Variants in PYGB observed in about 807,000 individuals in gnomAD.
The protein encoded by PYGB is glycogen phosphorylase B.
PYGB carries 82 observed loss-of-function variants against 94.3 expected under a neutral mutation model. That is an observed-to-expected ratio of 0.87 (90% confidence interval 0.73 to 1.04). PYGB has a LOEUF of 1.04. Among genes scored for constraint, PYGB ranks in the 50% least tolerant of loss-of-function variants. PYGB has a pLI of 0.00. For synonymous variants in PYGB, 488 were observed against 479.1 expected (o/e 1.02, Z -0.24); for missense variants, 1,132 against 1,158.2 (o/e 0.98, Z 0.33).
At chr20:25,257,588 G>A (rs1332115528) in intron 1 of PYGB, among the ~76,000 whole-genome samples, 1 of 152,138 alleles carries the variant, frequency 6.6e-6, no homozygotes, top group Non-Finnish European at 1.5e-5. Flanking sequence ...CAGCTGCTTG[G>A]GAGGCTGAGA....
Position 25,278,606 on chromosome 20 carries a change from TCCCACCTGGG to T in PYGB, c.999+148_999+157del. The T allele has an allele frequency of 3.3e-6, 4 of 1,223,482 alleles. No homozygotes were observed. In the South Asian group the frequency reaches 4.8e-5, roughly 15 times the overall value. The allele number at this position is 1,223,482 out of a possible 1,614,324, so 75.8% of individuals were successfully genotyped here. On this transcript the variant is annotated intron_variant, in intron 8 of 19. Transcript: ENST00000216962. ...GGGGTCTCGTCATTCTGGGCCAGGA[TCCCACCTGGG>T]CCCTCCCTTCCAGAACAAGGGCCAC...
chr20:25,286,849 C>T (rs1361239197), intron 14 of PYGB, among the ~76,000 whole-genome samples: 2 of 152,242 alleles, frequency 1.3e-5, no homozygotes, highest in South Asian at 2.1e-4. Context: ...CTGTCCCCTG[C>T]CCACTGTGAC....
At chr20:25,250,730 C>T (rs986390870) in intron 1 of PYGB, among the ~76,000 whole-genome samples, 1 of 152,138 alleles carries the variant, frequency 6.6e-6, no homozygotes, top group Non-Finnish European at 1.5e-5. Context: ...TTCACCGGCA[C>T]ACTGCAGACT....
chr20:25,280,512 G>C, intron 10 of PYGB, 100 bp downstream of exon 10: 2 of 1,453,928 alleles, frequency 1.4e-6, no homozygotes, highest in Non-Finnish European at 9.4e-7. Context: ...CCTTGAACGA[G>C]GCACCCTCTG....
rs1052151410 is a variant in PYGB at position 25,295,596 on chromosome 20, C to T, written c.2313-8C>T. On this transcript the variant is annotated splice_polypyrimidine_tract_variant and splice_region_variant and intron_variant, in intron 18 of 19. Coordinates refer to ENST00000216962, the MANE Select transcript of PYGB (RefSeq NM_002862.4). ...TGCCCTGGCCCAGCCTCCTTTCTCCCATTCCAGGTTCAAGGTGTTTGCAGA... is the reference window on the plus strand; with the variant it reads ...TGCCCTGGCCCAGCCTCCTTTCTCCTATTCCAGGTTCAAGGTGTTTGCAGA... 6.2e-7 allele frequency: 1 copy of T among 1,613,384 alleles called. No individual in the cohort carries two copies. The highest frequency in any genetic ancestry group is 8.5e-7 in the Non-Finnish European group (1 of 1,179,488).
chr20:25,266,030 A>G (rs2088215336), intron 2 of PYGB, among the ~76,000 whole-genome samples: 2 of 151,826 alleles, frequency 1.3e-5, no homozygotes, highest in African/African-American at 2.4e-5. Context: ...ATTACTCTAT[A>G]TATAAAGATG....
chr20:25,248,496 C>T, intron 1 of PYGB, 75 bp downstream of exon 1: 1 of 1,271,510 alleles, frequency 7.9e-7, no homozygotes, highest in Non-Finnish European at 9.9e-7. Flanking sequence ...CAGCGGGGGT[C>T]TCTGCGGGGC....
chr20:25,280,241 A>G (rs761559750), intron 9 of PYGB, 25 bp from the exon 10 acceptor site: 3 of 1,611,580 alleles, frequency 1.9e-6, no homozygotes, highest in Non-Finnish European at 1.7e-6. Context: ...AAACAAACAC[A>G]TGGGAACATT....
intron 1 of PYGB, among the ~76,000 whole-genome samples, chr20:25,256,034 C>T (rs1045002490): frequency 6.6e-5 from 10 of 152,304 alleles, no homozygotes; most frequent in Admixed American, 3.3e-4. Flanking sequence ...CACCTGGCTC[C>T]AGCTCTTTCT....
intron 2 of PYGB, among the ~76,000 whole-genome samples, chr20:25,265,944 T>C (rs1322059032): frequency 6.6e-6 from 1 of 152,182 alleles, no homozygotes; most frequent in African/African-American, 2.4e-5. Flanking sequence ...TAGATATTAA[T>C]AGCGTATCAG....
chr20:25,289,942 G>C, intron 15 of PYGB: 1 of 533,534 alleles, frequency 1.9e-6, no homozygotes, highest in Non-Finnish European at 3.8e-6. Context: ...TACTTCATGG[G>C]TCCCCTGCCC....
chr20:25,250,939 G>A (rs1031558598), intron 1 of PYGB: 1 of 152,126 alleles, frequency 6.6e-6, no homozygotes, highest in Non-Finnish European at 1.5e-5. Context: ...AATATTTTGT[G>A]TTCTACATTG....
intron 17 of PYGB, 54 bp from the exon 18 acceptor site, chr20:25,294,104 C>T: frequency 1.0e-5 from 16 of 1,596,174 alleles, no homozygotes; most frequent in Non-Finnish European, 1.3e-5. Context: ...GCTTGTTCTC[C>T]AAGGTGGCCC....
rs2092919103 is a variant in PYGB at position 25,264,024 on chromosome 20, T to C, written c.345+4686T>C. ...TCCCTGATGAACATTGATGCAAAAA[T>C]CATAGTAAAATACTGGCAAACCAAA... is the stretch of plus-strand genomic sequence containing the variant. On this transcript the variant is annotated intron_variant, in intron 2 of 19. Transcript: ENST00000216962. Among the ~76,000 whole-genome samples, 2 of 149,678 alleles carry C rather than the reference T, an allele frequency of 1.3e-5. 1 individual carries two copies. Among genetic ancestry groups the C allele is most frequent in the South Asian group, 4.1e-4 (2 of 4,822 alleles).
intron 19 of PYGB, 32 bp downstream of exon 19, chr20:25,295,702 C>CA: frequency 6.3e-7 from 1 of 1,584,920 alleles, no homozygotes; most frequent in Non-Finnish European, 8.7e-7. Context: ...GCTAGGGGAG[C>CA]AGCTGGGTGG....
intron 1 of PYGB, among the ~76,000 whole-genome samples, chr20:25,255,151 A>G (rs969579772): frequency 6.6e-6 from 1 of 152,224 alleles, no homozygotes; most frequent in Non-Finnish European, 1.5e-5. Context: ...ACATCCTTAC[A>G]GCAGATACAG....
At chr20:25,278,294 C>A (rs528142246) in intron 7 of PYGB, 25 bp from the exon 8 acceptor site, 2 of 1,075,536 alleles carry the variant, frequency 1.9e-6, no homozygotes, top group African/African-American at 5.4e-5. Flanking sequence ...AGCCTGCACC[C>A]TCCAGCTTGC....
At chr20:25,252,166 G>T (rs186781446) in intron 1 of PYGB, among the ~76,000 whole-genome samples, 200 of 152,330 alleles carry the variant, frequency 1.3e-3, no homozygotes, top group Non-Finnish European at 9.7e-4. Context: ...CTGATGGTGG[G>T]TGCTGTTTTG....
Position 25,248,329 on chromosome 20 carries a change from G to T in PYGB, c.151G>T (p.Asp51Tyr), listed in dbSNP as rs1568679330. 1 of 1,603,884 alleles carries T rather than the reference G, an allele frequency of 6.2e-7. No individual in the cohort carries two copies. Reference sequence around the variant, plus strand: ...GGACCGCAATGTGGCCACGCCCCGCGACTACTTCTTCGCGCTGGCGCACAC... The same window carrying T: ...GGACCGCAATGTGGCCACGCCCCGCTACTACTTCTTCGCGCTGGCGCACAC... ...VKDRNVATPR[D>Y]YFFALAHTVR... is the part of the protein sequence containing the mutation. Residue 51 changes from aspartate (D) to tyrosine (Y), a missense_variant, in exon 1 of 20, where the codon GAC becomes TAC. By Grantham distance (160) the Asp-to-Tyr change is radical (BLOSUM62 -3). Coordinates refer to ENST00000216962, the MANE Select transcript of PYGB (RefSeq NM_002862.4).
Sources: allele counts gnomAD v4.1 joint callset (sites outside exome capture counted in the v4.1 genomes callset), GRCh38; gene constraint gnomAD v4.1.1; transcripts MANE v1.5; gene names NCBI Gene and HGNC (gene_info 2026-07-23, HGNC 2026-07-21).